The following AR variants were observed in gnomAD, a reference collection of about 807,000 sequenced individuals.
AR encodes dihydrotestosterone receptor.
A neutral mutation model predicts 53.9 loss-of-function variants in AR; 8 were observed. The ratio of observed to expected loss-of-function variants is 0.15; its 90% CI spans 0.09 to 0.27. AR has a LOEUF of 0.27. Among genes scored for constraint, AR ranks in the 10% least tolerant of loss-of-function variants. The probability of loss-of-function intolerance (pLI) is 1.00; values close to 1 mark genes in which losing one functional copy is unlikely to be tolerated. For missense variants in AR, 639 were observed against 742.5 expected (o/e 0.86, Z 1.62); for synonymous variants, 359 against 316.4 (o/e 1.13, Z -1.43).
chrX:67,694,421 T>C (rs2076010263), intron 3 of AR, among the ~76,000 whole-genome samples: 1 of 109,928 alleles, frequency 9.1e-6, no homozygotes. Flanking sequence ...ATATATAGTA[T>C]ATTTGTCAAT....
chrX:67,593,232 C>T (rs748071936), intron 1 of AR, among the ~76,000 whole-genome samples: 13 of 111,690 alleles, frequency 1.2e-4, no homozygotes, highest in African/African-American at 3.9e-4. Context: ...TGATCTTTTC[C>T]GAAACAGACC....
intron 1 of AR, among the ~76,000 whole-genome samples, chrX:67,597,659 G>A (rs1369048644): frequency 9.0e-6 from 1 of 111,605 alleles, no homozygotes; most frequent in African/African-American, 3.3e-5. Flanking sequence ...GCTCATACTG[G>A]CCTATGGACT....
In AR at chrX:67,711,385, C is replaced by T. The variant is rs1184486720; in HGVS notation, c.1886-17C>T. The T allele has an allele frequency of 1.7e-6, 2 of 1,177,465 alleles. No individual in the cohort carries two copies. The highest frequency in any genetic ancestry group is 2.3e-6 in the Non-Finnish European group (2 of 877,970). On this transcript the variant is annotated splice_polypyrimidine_tract_variant and intron_variant, in intron 3 of 7. Coordinates refer to ENST00000374690, the MANE Select transcript of AR (RefSeq NM_000044.6). Reference sequence around the variant, plus strand: ...GACCACTGATGATAAATTCAAGTCTCTCTTCCTTCCCAATAGCCCGGAAGC... The same window carrying T: ...GACCACTGATGATAAATTCAAGTCTTTCTTCCTTCCCAATAGCCCGGAAGC...
intron 3 of AR, among the ~76,000 whole-genome samples, chrX:67,698,758 T>C (rs1408956954): frequency 8.9e-6 from 1 of 111,863 alleles, no homozygotes; most frequent in Non-Finnish European, 1.9e-5. Flanking sequence ...TCACCCTTGC[T>C]TTCCCTGCTG....
chrX:67,597,370 A>G (rs1252891511), intron 1 of AR, among the ~76,000 whole-genome samples: 1 of 111,649 alleles, frequency 9.0e-6, no homozygotes, highest in Non-Finnish European at 1.9e-5. Flanking sequence ...CTCTTGAACT[A>G]TGGTACAAGA....
At chrX:67,632,805 A>C (rs1436142860) in intron 1 of AR, among the ~76,000 whole-genome samples, 1 of 112,513 alleles carries the variant, frequency 8.9e-6, no homozygotes, top group Non-Finnish European at 1.9e-5. Context: ...TTGAATTTAG[A>C]ATATATAAAG....
intron 1 of AR, among the ~76,000 whole-genome samples, chrX:67,600,496 A>G (rs1219658483): frequency 9.0e-6 from 1 of 110,892 alleles, no homozygotes; most frequent in Non-Finnish European, 1.9e-5. Context: ...AAATCAAAAC[A>G]ATTGAACTAA....
intron 1 of AR, among the ~76,000 whole-genome samples, chrX:67,635,452 T>C (rs1324801905): frequency 1.8e-5 from 2 of 111,526 alleles, no homozygotes; most frequent in Non-Finnish European, 3.8e-5. Flanking sequence ...TTCACCCCGC[T>C]TCCACAGTCA....
chrX:67,570,578 T>A (rs1266896961), intron 1 of AR, among the ~76,000 whole-genome samples: 1 of 111,224 alleles, frequency 9.0e-6, no homozygotes, highest in South Asian at 3.8e-4. Flanking sequence ...GTGAAGTAAA[T>A]TTGCAAGATA....
At chrX:67,709,960 G>A (rs140892047) in intron 3 of AR, among the ~76,000 whole-genome samples, 3 of 111,759 alleles carry the variant, frequency 2.7e-5, no homozygotes, top group African/African-American at 9.8e-5. Context: ...CTTAACCACT[G>A]TGTGTCTAGT....
chrX:67,610,286 G>T (rs1228531259), intron 1 of AR, among the ~76,000 whole-genome samples: 2 of 111,499 alleles, frequency 1.8e-5, no homozygotes, highest in Non-Finnish European at 3.8e-5. Flanking sequence ...TGTCATAAAG[G>T]TCTCTCTCCT....
chrX:67,721,100 A>G (rs2076133979), intron 5 of AR, among the ~76,000 whole-genome samples: 1 of 111,608 alleles, frequency 9.0e-6, no homozygotes, highest in South Asian at 3.8e-4. Context: ...ACTATAATAA[A>G]TGCAACTCAC....
In AR at chrX:67,715,798, TG is replaced by T. The variant is rs758292363; in HGVS notation, c.2174-1679del. 2.7e-5 allele frequency among the ~76,000 whole-genome samples: 3 copies of T among 112,466 alleles called. No homozygotes were observed. The East Asian group carries it at 8.4e-4, about 32-fold the overall frequency. ...TTAAATTAGGTCATCAACAGGAAAG[TG>T]AGAAGTTTGATCTAAATTTGGGGAA... On this transcript the variant is annotated intron_variant, in intron 4 of 7. Transcript: ENST00000374690.
Position 67,730,027 on chromosome X carries a change from C to A in AR, c.*6186C>A, listed in dbSNP as rs1190292799. 2.3e-5 allele frequency: 4 copies of A among 173,274 alleles called. No individual in the cohort carries two copies. Among genetic ancestry groups the A allele is most frequent in the Admixed American group, 8.0e-5 (1 of 12,546 alleles). 14.3% of individuals were successfully genotyped at this position (173,274 alleles called of 1,213,427 possible). Reference sequence around the variant, plus strand: ...AAAGTCCCCTCACAACCCAGTGACACCTTTCTGCTTTCCTCTAGACTGGAA... The same window carrying A: ...AAAGTCCCCTCACAACCCAGTGACAACTTTCTGCTTTCCTCTAGACTGGAA... On this transcript the variant is annotated 3_prime_UTR_variant, in exon 8 of 8. Transcript: ENST00000374690.
At chrX:67,719,851 C>T (rs2076128401) in intron 5 of AR, among the ~76,000 whole-genome samples, 1 of 111,748 alleles carries the variant, frequency 8.9e-6, no homozygotes, top group East Asian at 2.8e-4. Context: ...AATGGGGAGC[C>T]TCAGACCCAA....
intron 1 of AR, among the ~76,000 whole-genome samples, chrX:67,592,123 C>T (rs1374380826): frequency 1.9e-4 from 21 of 112,194 alleles, no homozygotes; most frequent in Admixed American, 1.7e-3. Context: ...GCCTGACTAT[C>T]GGCCTCTTAA....
chrX:67,656,984 TGA>T (rs755250370), intron 2 of AR, among the ~76,000 whole-genome samples: 10 of 109,274 alleles, frequency 9.2e-5, no homozygotes, highest in Non-Finnish European at 1.3e-4. Context: ...AAGTGGAAAA[TGA>T]GAGAGAGAGA....
chrX:67,728,004 T>A lies in AR; in HGVS notation c.*4163T>A. On this transcript the variant is annotated 3_prime_UTR_variant, in exon 8 of 8. Transcript: ENST00000374690. Reference sequence around the variant, plus strand: ...TTTTTGAAAATCTTTTAAAGCAGTTTTTAAAAAGAGAGATGAAAGCATCAC... The same window carrying A: ...TTTTTGAAAATCTTTTAAAGCAGTTATTAAAAAGAGAGATGAAAGCATCAC... The A allele has an allele frequency of 5.7e-6, 1 of 174,634 alleles. No homozygotes were observed. The highest frequency in any genetic ancestry group is 1.1e-5 in the Non-Finnish European group (1 of 91,098). The allele number at this position is 174,634 out of a possible 1,213,427, so 14.4% of individuals were successfully genotyped here. A position where few individuals can be genotyped will look rare whatever the true frequency, so the allele number is the denominator to read the frequency against.
chrX:67,652,614 T>A (rs1277433777), intron 2 of AR, among the ~76,000 whole-genome samples: 4 of 111,662 alleles, frequency 3.6e-5, no homozygotes, highest in Non-Finnish European at 7.5e-5. Context: ...TCTGAGAGAC[T>A]CTCCTGCCTA....
Sources: gnomAD v4.1 joint callset for allele counts (sites outside exome capture counted in the v4.1 genomes callset) on GRCh38, gnomAD v4.1.1 for gene constraint, MANE v1.5 for transcripts, NCBI Gene and HGNC (gene_info 2026-07-23, HGNC 2026-07-21) for gene names.